SPIDR: variants seen among roughly 807,000 people sequenced by gnomAD.
SPIDR encodes DNA repair-scaffolding protein.
SPIDR carries 93 observed loss-of-function variants against 104.6 expected under a neutral mutation model. That is an observed-to-expected ratio of 0.89 (90% CI 0.75 to 1.06). SPIDR has a LOEUF of 1.06. Ranked by LOEUF, SPIDR falls within the 50% of genes least tolerant of loss-of-function variation. SPIDR has a pLI of 0.00. For synonymous variants in SPIDR, 431 were observed against 416.9 expected (o/e 1.03, Z -0.41); for missense variants, 1,154 against 1,111.2 (o/e 1.04, Z -0.55).
chr8:47,340,571 C>T (rs555652550), intron 5 of SPIDR, among the ~76,000 whole-genome samples: 2 of 152,270 alleles, frequency 1.3e-5, no homozygotes, highest in South Asian at 2.1e-4. Context: ...CACTGCACTC[C>T]AGTCTGGGTG....
intron 8 of SPIDR, among the ~76,000 whole-genome samples, chr8:47,512,865 G>T (rs1177470905): frequency 1.3e-5 from 2 of 152,192 alleles, no homozygotes; most frequent in Non-Finnish European, 2.9e-5. Flanking sequence ...ATTTATTAAT[G>T]ACTGTAATAA....
At chr8:47,297,002 G>T (rs1254216125) in intron 5 of SPIDR, among the ~76,000 whole-genome samples, 1 of 152,118 alleles carries the variant, frequency 6.6e-6, no homozygotes, top group Non-Finnish European at 1.5e-5. Context: ...CTGTAAACGG[G>T]ATTGAGTTCT....
At chr8:47,502,954 A>G (rs1332641744) in intron 8 of SPIDR, among the ~76,000 whole-genome samples, 2 of 152,204 alleles carry the variant, frequency 1.3e-5, no homozygotes, top group Non-Finnish European at 2.9e-5. Flanking sequence ...GTTTTGAGTG[A>G]GTTTCTTAAT....
intron 8 of SPIDR, among the ~76,000 whole-genome samples, chr8:47,484,388 C>T (rs2077261986): frequency 6.6e-6 from 1 of 152,252 alleles, no homozygotes; most frequent in African/African-American, 2.4e-5. Flanking sequence ...GGCCATCTCA[C>T]CTAGGGTGGG....
chr8:47,390,368 A>G (rs893162452), intron 5 of SPIDR, among the ~76,000 whole-genome samples: 1 of 152,104 alleles, frequency 6.6e-6, no homozygotes, highest in South Asian at 2.1e-4. Context: ...TTAAGTGTCT[A>G]CCAACAGTGA....
intron 8 of SPIDR, among the ~76,000 whole-genome samples, chr8:47,585,355 A>G (rs1041485168): frequency 1.3e-5 from 2 of 152,222 alleles, no homozygotes; most frequent in Non-Finnish European, 2.9e-5. Flanking sequence ...TCATGAACAT[A>G]AAATGACTAG....
At chr8:47,630,023 C>A (rs1050668094) in intron 10 of SPIDR, among the ~76,000 whole-genome samples, 3 of 152,112 alleles carry the variant, frequency 2.0e-5, no homozygotes, top group Non-Finnish European at 4.4e-5. Flanking sequence ...AATTACAGTG[C>A]TGAATGTATT....
chr8:47,631,655 C>T (rs970304589), intron 10 of SPIDR, among the ~76,000 whole-genome samples: 1 of 152,132 alleles, frequency 6.6e-6, no homozygotes, highest in Non-Finnish European at 1.5e-5. Flanking sequence ...ATAAAGAATT[C>T]TTATTTGACT....
rs1397136219 is a variant in SPIDR at position 47,702,087 on chromosome 8, TCTCTCTCTCTTACA to T, written c.1977+74_1977+87del. ...CTCTCTCTCTCTCTCTCTCTCTCTC[TCTCTCTCTCTTACA>T]CACACACACACACACACACACACAC... On this transcript the variant is annotated intron_variant, in intron 14 of 19. Coordinates refer to ENST00000297423, the MANE Select transcript of SPIDR (RefSeq NM_001080394.4). The T allele has an allele frequency of 5.1e-4, 71 of 140,060 alleles. 5 individuals carry two copies. The highest frequency in any genetic ancestry group is 1.3e-3 in the East Asian group (9 of 7,084). 8.7% of individuals were successfully genotyped at this position (140,060 alleles called of 1,614,324 possible). A position where few individuals can be genotyped will look rare whatever the true frequency, so the allele number is the denominator to read the frequency against.
intron 5 of SPIDR, among the ~76,000 whole-genome samples, chr8:47,389,073 A>G (rs2060269360): frequency 6.6e-6 from 1 of 152,238 alleles, no homozygotes; most frequent in African/African-American, 2.4e-5. Context: ...CCTGATGATA[A>G]TAACTTTATT....
At chr8:47,629,656 A>G (rs1328133180) in intron 10 of SPIDR, among the ~76,000 whole-genome samples, 7 of 152,236 alleles carry the variant, frequency 4.6e-5, no homozygotes, top group African/African-American at 2.4e-5. Context: ...AGGAGGCTGA[A>G]GCAAGAGAAC....
At chr8:47,572,492 T>C (rs1322969901) in intron 8 of SPIDR, among the ~76,000 whole-genome samples, 4 of 151,872 alleles carry the variant, frequency 2.6e-5, no homozygotes, top group South Asian at 2.1e-4. Flanking sequence ...TGAAACCCCA[T>C]CTCTACTAAA....
At chr8:47,647,589 G>A (rs1385908098) in intron 10 of SPIDR, among the ~76,000 whole-genome samples, 1 of 148,426 alleles carries the variant, frequency 6.7e-6, no homozygotes, top group Non-Finnish European at 1.5e-5. Flanking sequence ...ACTCTAGCCT[G>A]GGTGACAGAG....
At chr8:47,522,688 A>T (rs558573328) in intron 8 of SPIDR, among the ~76,000 whole-genome samples, 11 of 152,312 alleles carry the variant, frequency 7.2e-5, no homozygotes, top group African/African-American at 2.6e-4. Context: ...AAAGACAGTT[A>T]AAAGTAAGAA....
intron 10 of SPIDR, among the ~76,000 whole-genome samples, chr8:47,610,777 A>T (rs1005423670): frequency 6.6e-6 from 1 of 152,182 alleles, no homozygotes. Flanking sequence ...TTTCTTCCTC[A>T]CTTGCTGCTC....
chr8:47,481,471 T>C (rs1554727000), intron 8 of SPIDR, among the ~76,000 whole-genome samples: 1 of 152,128 alleles, frequency 6.6e-6, no homozygotes, highest in East Asian at 1.9e-4. Flanking sequence ...ACTCCGTCTC[T>C]ACTAAAAAAA....
Position 47,702,081 on chromosome 8 carries a change from TCTCTCTCTCTCTCTCTTACACACACACA to T in SPIDR, c.1977+68_1977+95del, listed in dbSNP as rs1297784439. 158 of 379,298 alleles carry T rather than the reference TCTCTCTCTCTCTCTCTTACACACACACA, an allele frequency of 4.2e-4. 1 individual carries two copies. The highest frequency in any genetic ancestry group is 1.5e-3 in the East Asian group (28 of 18,852). 23.5% of individuals were successfully genotyped at this position (379,298 alleles called of 1,614,324 possible). A position where few individuals can be genotyped will look rare whatever the true frequency, so the allele number is the denominator to read the frequency against. ...CTCTCTCTCTCTCTCTCTCTCTCTC[TCTCTCTCTCTCTCTCTTACACACACACA>T]CACACACACACACACACACACACAC... On this transcript the variant is annotated intron_variant, in intron 14 of 19. Coordinates refer to ENST00000297423, the MANE Select transcript of SPIDR (RefSeq NM_001080394.4).
chr8:47,700,483 G>C lies in SPIDR; in HGVS notation c.1766G>C (p.Cys589Ser), dbSNP rs1420798076. Residue 589 changes from cysteine to serine, a missense_variant, in exon 12 of 20, where the codon TGT (cysteine) becomes TCT (serine). Coordinates refer to ENST00000297423, the MANE Select transcript of SPIDR (RefSeq NM_001080394.4). The part of the protein sequence containing the change: ...PLKTPGRDQP[C>S]EEIKTHLPPP... ...AAAACACCTGGCCGCGACCAGCCCT[G>C]TGAAGAGGTAAGCCCGGCACTGGAA... The C allele has an allele frequency of 6.2e-7, 1 of 1,614,180 alleles. No homozygotes were observed. The highest frequency in any genetic ancestry group is 1.1e-5 in the South Asian group (1 of 91,088).
chr8:47,453,104 C>T (rs1294037593), intron 8 of SPIDR, among the ~76,000 whole-genome samples: 5 of 152,098 alleles, frequency 3.3e-5, no homozygotes, highest in Non-Finnish European at 5.9e-5. Context: ...AGTGAACTCC[C>T]ACTCACAGTT....
Sources: allele counts gnomAD v4.1 joint callset (sites outside exome capture counted in the v4.1 genomes callset), GRCh38; gene constraint gnomAD v4.1.1; transcripts MANE v1.5; gene names NCBI Gene and HGNC (gene_info 2026-07-23, HGNC 2026-07-21).